The following LYSET variants were observed in gnomAD, a reference collection of about 807,000 sequenced individuals.
The protein encoded by LYSET is GNPTAB cleavage and activity factor.
the LYSET span, chr14:93,186,220 A>G: frequency 6.4e-7 from 1 of 1,553,438 alleles, no homozygotes; most frequent in Admixed American, 1.8e-5. Context: ...CCGTGACAGC[A>G]TTACTAGACC....
chr14:93,187,433 TA>T, the LYSET span, among the ~76,000 whole-genome samples: 1 of 151,964 alleles, frequency 6.6e-6, no homozygotes, highest in African/African-American at 2.4e-5. Context: ...TATTTTTAAT[TA>T]AAAAAATTTT....
At chr14:93,187,634 T>A in the LYSET span, among the ~76,000 whole-genome samples, 31 of 152,090 alleles carry the variant, frequency 2.0e-4, no homozygotes, top group Non-Finnish European at 4.1e-4. Context: ...TTATTTAAAT[T>A]ATTATTATTA....
At chr14:93,185,345 C>T in the LYSET span, 1 of 1,527,414 alleles carries the variant, frequency 6.5e-7, no homozygotes, top group African/African-American at 1.4e-5. Flanking sequence ...AGGCTGGCGG[C>T]GCTCACCTTT....
At chr14:93,188,027 C>T in the LYSET span, among the ~76,000 whole-genome samples, 2 of 151,804 alleles carry the variant, frequency 1.3e-5, no homozygotes, top group African/African-American at 4.8e-5. Context: ...AGTGCGATCT[C>T]AGCTCACTGC....
chr14:93,186,375 T>TA, the LYSET span: 2 of 1,614,168 alleles, frequency 1.2e-6, no homozygotes, highest in Non-Finnish European at 1.7e-6. Flanking sequence ...CAGTGAGACT[T>TA]ACAACAGGCT....
At chr14:93,186,205 A>G in the LYSET span, 1 of 1,492,074 alleles carries the variant, frequency 6.7e-7, no homozygotes, top group Admixed American at 1.9e-5. Flanking sequence ...CATTTGGAGT[A>G]GTTGCCGTGA....
the LYSET span, chr14:93,186,609 C>T: frequency 6.2e-6 from 10 of 1,613,922 alleles, no homozygotes; most frequent in Non-Finnish European, 7.6e-6. Flanking sequence ...TATTTGCAAT[C>T]GCCACCAGGC....
At chr14:93,185,584 C>G in the LYSET span, 136 of 1,008,634 alleles carry the variant, frequency 1.3e-4, no homozygotes, top group East Asian at 2.9e-3. Context: ...AGTGTTTCAC[C>G]TGTCAAAGTG....
At chr14:93,185,214 C>T in the LYSET span, 72 of 330,784 alleles carry the variant, frequency 2.2e-4, no homozygotes, top group Non-Finnish European at 3.5e-4. Flanking sequence ...GCCCAAGTGG[C>T]GGGGACGCCT....
the LYSET span, chr14:93,186,214 GACA>G: frequency 6.5e-7 from 1 of 1,546,238 alleles, no homozygotes; most frequent in Non-Finnish European, 8.8e-7. Context: ...TAGTTGCCGT[GACA>G]GCATTACTAG....
At chr14:93,185,328 G>A in the LYSET span, 2 of 1,419,290 alleles carry the variant, frequency 1.4e-6, no homozygotes, top group African/African-American at 1.4e-5. Flanking sequence ...CTAGTAGCTG[G>A]TGCTCCAGGC....
chr14:93,187,353 G>A, the LYSET span, among the ~76,000 whole-genome samples: 124 of 151,934 alleles, frequency 8.2e-4, no homozygotes, highest in Non-Finnish European at 1.3e-3. Context: ...CGAACTCCTG[G>A]GCTCAAGCTT....
At chr14:93,187,424 A>G in the LYSET span, among the ~76,000 whole-genome samples, 1 of 151,822 alleles carries the variant, frequency 6.6e-6, no homozygotes, top group Admixed American at 6.6e-5. Context: ...ATGCCCAGCT[A>G]TTTTTAATTA....
chr14:93,188,283 T>G, the LYSET span, among the ~76,000 whole-genome samples: 1 of 152,170 alleles, frequency 6.6e-6, no homozygotes, highest in Non-Finnish European at 1.5e-5. Context: ...CCAGTCCTTA[T>G]CAGATGCATG....
the LYSET span, among the ~76,000 whole-genome samples, chr14:93,187,258 A>G: frequency 2.9e-3 from 443 of 152,288 alleles, 1 homozygote; most frequent in African/African-American, 0.01. Context: ...TGGCTAAATT[A>G]TTATTAATGC....
At chr14:93,186,183 A>G in the LYSET span, 1 of 1,419,200 alleles carries the variant, frequency 7.0e-7, no homozygotes. Flanking sequence ...ATTCTTGGAG[A>G]TAAAGCAAGT....
the LYSET span, chr14:93,185,377 G>A: frequency 6.2e-7 from 1 of 1,609,608 alleles, no homozygotes; most frequent in Admixed American, 1.7e-5. Context: ...GTGACCCAGG[G>A]GATTTATTTT....
chr14:93,186,852 GAT>G, the LYSET span: 3 of 575,830 alleles, frequency 5.2e-6, no homozygotes, highest in Non-Finnish European at 8.9e-6. Context: ...TAAAACCTGA[GAT>G]AGAGTACTAC....
chr14:93,185,184 G>A, the LYSET span: 3 of 210,962 alleles, frequency 1.4e-5, no homozygotes, highest in Non-Finnish European at 1.9e-5. Flanking sequence ...GCGGCAGGGG[G>A]CGGGGCCGGC....
Sources: allele counts gnomAD v4.1 joint callset (sites outside exome capture counted in the v4.1 genomes callset), GRCh38; gene constraint gnomAD v4.1.1; transcripts MANE v1.5; gene names NCBI Gene and HGNC (gene_info 2026-07-23, HGNC 2026-07-21).